TCERG1L: variants seen among roughly 807,000 people sequenced by gnomAD.
TCERG1L encodes the protein transcription elongation regulator 1 like.
In TCERG1L, 37 loss-of-function variants were observed where a neutral mutation model predicts 56.3. The observed-to-expected ratio is 0.66, with a 90% CI of 0.51 to 0.87. The LOEUF (loss-of-function observed/expected upper bound fraction) is 0.87, where lower values mean the gene tolerates loss of function less well. Ranked by LOEUF, TCERG1L falls within the 40% of genes least tolerant of loss-of-function variation. TCERG1L has a pLI of 0.00. For missense variants in TCERG1L, 799 were observed against 774.2 expected (o/e 1.03, Z -0.38); for synonymous variants, 324 against 326.3 (o/e 0.99, Z 0.08).
intron 4 of TCERG1L, among the ~76,000 whole-genome samples, chr10:131,191,246 GA>G: frequency 6.9e-6 from 1 of 144,068 alleles, no homozygotes; most frequent in Non-Finnish European, 1.5e-5. Context: ...TCAAACTAAT[GA>G]AAACACATCC....
rs1050751555 is a variant in TCERG1L, at chr10:131,112,925, C to T, written c.1395+3874G>A. On this transcript the variant is annotated intron_variant, in intron 9 of 11. Transcript: ENST00000368642. ...GGTTGAGGGTCGCCCTTGGGGTGTT[C>T]AATCCCTAGCGTTTAGAGGTGGGAG... Among the ~76,000 whole-genome samples the T allele has an allele frequency of 6.3e-5, 9 of 142,248 alleles. 2 individuals are homozygous for T. Among genetic ancestry groups the T allele is most frequent in the Non-Finnish European group, 1.4e-4 (9 of 63,232 alleles). The allele number at this position is 142,248 out of a possible 152,430, so 93.3% of individuals were successfully genotyped here. A position where few individuals can be genotyped will look rare whatever the true frequency, so the allele number is the denominator to read the frequency against.
chr10:131,264,354 G>A (rs1409266235), intron 3 of TCERG1L, among the ~76,000 whole-genome samples: 2 of 152,192 alleles, frequency 1.3e-5, no homozygotes, highest in East Asian at 1.9e-4. Context: ...AGGGGCTGTC[G>A]AAGACCACCC....
intron 9 of TCERG1L, among the ~76,000 whole-genome samples, chr10:131,114,801 G>A (rs183456645): frequency 1.3e-4 from 20 of 152,284 alleles, no homozygotes; most frequent in African/African-American, 4.3e-4. Context: ...AAACTTGGAC[G>A]TTAGTAAGAT....
At chr10:131,164,779 G>A (rs1352160200) in intron 5 of TCERG1L, among the ~76,000 whole-genome samples, 2 of 152,190 alleles carry the variant, frequency 1.3e-5, no homozygotes, top group Non-Finnish European at 2.9e-5. Context: ...CATCGTTGAT[G>A]TTGGTACTTT....
intron 4 of TCERG1L, among the ~76,000 whole-genome samples, chr10:131,214,259 C>G (rs141118915): frequency 6.6e-6 from 1 of 152,084 alleles, no homozygotes; most frequent in African/African-American, 2.4e-5. Context: ...CTCCACTGCA[C>G]GCCCTGCCCC....
chr10:131,250,607 G>A (rs1350254394), intron 4 of TCERG1L, among the ~76,000 whole-genome samples: 2 of 152,136 alleles, frequency 1.3e-5, no homozygotes, highest in East Asian at 1.9e-4. Flanking sequence ...GATGTGAGTG[G>A]AGCCAGTCTT....
At chr10:131,290,692 A>T (rs1462786839) in intron 3 of TCERG1L, among the ~76,000 whole-genome samples, 3 of 151,682 alleles carry the variant, frequency 2.0e-5, no homozygotes, top group African/African-American at 7.3e-5. Context: ...TTCTTTTGTC[A>T]CTGTAAGTGA....
At chr10:131,203,139 G>A (rs943457562) in intron 4 of TCERG1L, among the ~76,000 whole-genome samples, 1 of 152,168 alleles carries the variant, frequency 6.6e-6, no homozygotes, top group African/African-American at 2.4e-5. Flanking sequence ...AATGACAGCA[G>A]TGACGCCTTC....
intron 6 of TCERG1L, 74 bp from the exon 7 acceptor site, chr10:131,146,734 A>C (rs551057310): frequency 2.1e-6 from 3 of 1,446,598 alleles, no homozygotes; most frequent in East Asian, 4.8e-5. Context: ...ATGAACTCTC[A>C]CTGAAAAAGC....
intron 4 of TCERG1L, among the ~76,000 whole-genome samples, chr10:131,204,076 G>A (rs530827623): frequency 6.6e-6 from 1 of 152,366 alleles, no homozygotes; most frequent in East Asian, 1.9e-4. Context: ...GGCCCGAAGG[G>A]AACCAGCTAG....
At chr10:131,132,720 C>T (rs1205277313) in intron 8 of TCERG1L, among the ~76,000 whole-genome samples, 3 of 152,244 alleles carry the variant, frequency 2.0e-5, no homozygotes, top group East Asian at 1.9e-4. Context: ...CCTTGGCCCC[C>T]GTCAGAGGTG....
intron 8 of TCERG1L, among the ~76,000 whole-genome samples, chr10:131,133,496 C>T (rs1296045982): frequency 1.3e-5 from 2 of 152,074 alleles, no homozygotes; most frequent in Non-Finnish European, 2.9e-5. Context: ...TCCAGCGGAA[C>T]GTCCAGGCAT....
intron 4 of TCERG1L, among the ~76,000 whole-genome samples, chr10:131,207,967 G>C (rs745755450): frequency 1.2e-4 from 18 of 152,100 alleles, no homozygotes; most frequent in Non-Finnish European, 1.3e-4. Context: ...TGTGCTGAGA[G>C]GGAGTCAAGG....
At position 131,249,349 on chromosome 10, in the gene TCERG1L, G is replaced by A. The variant is rs375775207; in HGVS notation, c.856+10910C>T. Among the ~76,000 whole-genome samples, 34 of 152,226 alleles carry A rather than the reference G, an allele frequency of 2.2e-4. No homozygotes were observed. The East Asian group carries it at 6.0e-3, about 27-fold the overall frequency. On this transcript the variant is annotated intron_variant, in intron 4 of 11. Coordinates refer to ENST00000368642, the MANE Select transcript of TCERG1L (RefSeq NM_174937.4). ...GCTACCCCAGCATAGGGGCTTCCAT[G>A]GCCCTGGCAGTGGCTCCACCCGGGT...
At chr10:131,308,104 A>G in intron 3 of TCERG1L, 107 bp downstream of exon 3, 1 of 1,148,664 alleles carries the variant, frequency 8.7e-7, no homozygotes, top group East Asian at 2.6e-5. Context: ...ATATTTTACC[A>G]AGATAATTGT....
intron 11 of TCERG1L, among the ~76,000 whole-genome samples, chr10:131,094,545 G>GGC (rs1273906953): frequency 6.6e-6 from 1 of 152,130 alleles, no homozygotes; most frequent in African/African-American, 2.4e-5. Flanking sequence ...CCTTCCCCAA[G>GGC]GCGCTGCCGT....
At chr10:131,098,264 T>C (rs962917653) in intron 11 of TCERG1L, 42 bp downstream of exon 11, 2 of 1,541,844 alleles carry the variant, frequency 1.3e-6, no homozygotes, top group African/African-American at 2.7e-5. Context: ...ATTGGTAAGT[T>C]CCCAGCCCCA....
intron 4 of TCERG1L, among the ~76,000 whole-genome samples, chr10:131,176,174 G>T (rs1408066439): frequency 6.6e-6 from 1 of 152,154 alleles, no homozygotes; most frequent in Admixed American, 6.5e-5. Context: ...TACTTTGGGT[G>T]CCTGAGCTGG....
At chr10:131,121,692 G>A (rs1454715281) in intron 8 of TCERG1L, among the ~76,000 whole-genome samples, 1 of 152,162 alleles carries the variant, frequency 6.6e-6, no homozygotes, top group East Asian at 1.9e-4. Context: ...GCCTGGGCGT[G>A]GGCACAGAGA....
Sources: gnomAD v4.1 joint callset for allele counts (sites outside exome capture counted in the v4.1 genomes callset) on GRCh38, gnomAD v4.1.1 for gene constraint, MANE v1.5 for transcripts, NCBI Gene and HGNC (gene_info 2026-07-23, HGNC 2026-07-21) for gene names.